The following TTLL1 variants were observed in gnomAD, a reference collection of about 807,000 sequenced individuals.
TTLL1 encodes TTL family tubulin polyglutamylase complex subunit L1, also known as polyglutamylase complex subunit TTLL1.
Under a neutral mutation model 47.8 loss-of-function variants are expected in TTLL1, and 33 were observed. The ratio of observed to expected loss-of-function variants is 0.69; its 90% CI spans 0.52 to 0.92. The LOEUF is 0.92. TTLL1 is among the 40% of genes least tolerant of loss of function. The probability of loss-of-function intolerance (pLI) is 0.00; values close to 1 mark genes in which losing one functional copy is unlikely to be tolerated. For synonymous variants in TTLL1, 225 were observed against 214.1 expected (o/e 1.05, Z -0.45); for missense variants, 488 against 547.5 (o/e 0.89, Z 1.08).
rs143011831 is a variant in TTLL1 at position 43,046,004 on chromosome 22, T to G, written c.1142+406A>C. On this transcript the variant is annotated intron_variant, in intron 10 of 10. Coordinates refer to ENST00000266254, the MANE Select transcript of TTLL1 (RefSeq NM_012263.5). ...GGGAGGCCGAGGTGGGAGAATCACTTGAGGTCAGGAGTTCAAGACCAGCCT... is the reference window on the plus strand; with the variant it reads ...GGGAGGCCGAGGTGGGAGAATCACTGGAGGTCAGGAGTTCAAGACCAGCCT... Among the ~76,000 whole-genome samples the G allele has an allele frequency of 6.9e-3, 1,056 of 152,200 alleles. 11 individuals are homozygous for G. Among genetic ancestry groups the G allele is most frequent in the African/African-American group, 0.024 (1,014 of 41,538 alleles).
chr22:43,057,213 G>T (rs1395374311), intron 8 of TTLL1, among the ~76,000 whole-genome samples: 1 of 151,500 alleles, frequency 6.6e-6, no homozygotes, highest in African/African-American at 2.4e-5. Flanking sequence ...AGGCTGCAGT[G>T]GGCTGAGATT....
chr22:43,073,364 T>TTTATTTATTTATTTTA (rs1555964073), intron 3 of TTLL1, among the ~76,000 whole-genome samples: 1 of 133,354 alleles, frequency 7.5e-6, no homozygotes, highest in East Asian at 2.1e-4. Context: ...TATTTATTTA[T>TTTATTTATTTATTTTA]TTTATTTTTT....
intron 7 of TTLL1, among the ~76,000 whole-genome samples, chr22:43,060,429 C>T (rs1396287382): frequency 1.3e-5 from 2 of 152,184 alleles, no homozygotes; most frequent in Admixed American, 1.3e-4. Flanking sequence ...TGGGCAGAGG[C>T]CTCCACTGCA....
intron 3 of TTLL1, among the ~76,000 whole-genome samples, chr22:43,073,041 G>A (rs894828032): frequency 2.3e-4 from 34 of 150,540 alleles, no homozygotes; most frequent in Admixed American, 8.6e-4. Context: ...TTTTGAGACA[G>A]TCTTGCTGTG....
intron 1 of TTLL1, among the ~76,000 whole-genome samples, chr22:43,083,695 T>C (rs1234213332): frequency 6.7e-6 from 1 of 150,282 alleles, no homozygotes; most frequent in Non-Finnish European, 1.5e-5. Flanking sequence ...ACCATTGCAC[T>C]GCAGCCTGGG....
At chr22:43,054,876 C>T (rs1363608834) in intron 8 of TTLL1, among the ~76,000 whole-genome samples, 1 of 151,706 alleles carries the variant, frequency 6.6e-6, no homozygotes, top group African/African-American at 2.4e-5. Flanking sequence ...CAGGCACTGC[C>T]ACTACGCCTG....
At chr22:43,061,665 C>G (rs902338959) in intron 7 of TTLL1, among the ~76,000 whole-genome samples, 7 of 152,184 alleles carry the variant, frequency 4.6e-5, no homozygotes, top group African/African-American at 9.6e-5. Flanking sequence ...TGAACTGGGT[C>G]CACAAAGCCC....
intron 3 of TTLL1, 178 bp from the exon 4 acceptor site, chr22:43,070,022 C>A: frequency 8.4e-7 from 1 of 1,197,540 alleles, no homozygotes. Context: ...TGCCCAGGGA[C>A]AGGCCGGGAC....
rs193013668 is a variant in TTLL1 at position 43,088,598 on chromosome 22, C to T, written c.-90+679G>A. 3.3e-3 allele frequency among the ~76,000 whole-genome samples: 498 copies of T among 151,980 alleles called. 1 individual carries two copies. Among genetic ancestry groups the T allele is most frequent in the African/African-American group, 0.012 (485 of 41,464 alleles). ...GACCTCGTGATCCTCCCGCCTCGGC[C>T]TCCCAAAGTGCTGGGATTACAGGCG... On this transcript the variant is annotated intron_variant, in intron 1 of 10. Transcript: ENST00000266254.
intron 5 of TTLL1, among the ~76,000 whole-genome samples, chr22:43,067,789 G>A (rs947736999): frequency 2.0e-5 from 3 of 151,578 alleles, no homozygotes; most frequent in Non-Finnish European, 2.9e-5. Context: ...CTGGCTAACA[G>A]GGCAAAACCC....
chr22:43,063,007 G>A (rs377631175), intron 7 of TTLL1, among the ~76,000 whole-genome samples: 1 of 152,118 alleles, frequency 6.6e-6, no homozygotes, highest in Non-Finnish European at 1.5e-5. Context: ...TGTACTCAAA[G>A]TAAAAAACCA....
intron 9 of TTLL1, 56 bp downstream of exon 9, chr22:43,051,745 G>T: frequency 1.3e-6 from 2 of 1,554,978 alleles, no homozygotes; most frequent in Non-Finnish European, 1.8e-6. Flanking sequence ...AATCGGGGCA[G>T]AAGTGTGTTG....
rs76861977 is a variant in TTLL1, at chr22:43,042,108, C to T, written c.1143-2203G>A. 2.6e-3 allele frequency among the ~76,000 whole-genome samples: 396 copies of T among 152,294 alleles called. 5 individuals are homozygous for T. Among genetic ancestry groups the T allele is most frequent in the African/African-American group, 8.8e-3 (367 of 41,574 alleles). Reference sequence around the variant, plus strand: ...ATAAATGTCGTCACTCCACTGCCCCCGTGTTTGCTTCCCTGGCCAGGGGGC... The same window carrying T: ...ATAAATGTCGTCACTCCACTGCCCCTGTGTTTGCTTCCCTGGCCAGGGGGC... On this transcript the variant is annotated intron_variant, in intron 10 of 10. Coordinates refer to ENST00000266254, the MANE Select transcript of TTLL1 (RefSeq NM_012263.5).
intron 1 of TTLL1, among the ~76,000 whole-genome samples, chr22:43,087,520 T>C (rs1437094725): frequency 1.5e-5 from 2 of 131,946 alleles, no homozygotes; most frequent in South Asian, 2.4e-4. Flanking sequence ...TGAGACTCCA[T>C]CTCAAAAAAA....
At chr22:43,052,578 A>C (rs996298259) in intron 8 of TTLL1, among the ~76,000 whole-genome samples, 1 of 151,814 alleles carries the variant, frequency 6.6e-6, no homozygotes, top group African/African-American at 2.4e-5. Flanking sequence ...CCGCCTCTAC[A>C]AAAAATAAAA....
intron 9 of TTLL1, among the ~76,000 whole-genome samples, chr22:43,050,778 T>C (rs759062155): frequency 9.2e-5 from 14 of 152,100 alleles, no homozygotes; most frequent in Non-Finnish European, 2.1e-4. Context: ...CCGCCTTGGC[T>C]TTCCAAAGTG....
In TTLL1 at chr22:43,069,942, T is replaced by C. The variant is rs1928007556; in HGVS notation, c.114-98A>G. 7 of 1,500,008 alleles carry C rather than the reference T, an allele frequency of 4.7e-6. No individual in the cohort carries two copies. In the Admixed American group the frequency reaches 1.5e-4, roughly 31 times the overall value. 92.9% of individuals were successfully genotyped at this position (1,500,008 alleles called of 1,614,324 possible). ...CAAACACCCTGAACCCTCAGCACCC[T>C]TCACCACTACTCCCACATCCCCTGG... On this transcript the variant is annotated intron_variant, in intron 3 of 10. Transcript: ENST00000266254.
intron 7 of TTLL1, among the ~76,000 whole-genome samples, chr22:43,060,822 T>C: frequency 6.6e-6 from 1 of 152,166 alleles, no homozygotes; most frequent in East Asian, 1.9e-4. Flanking sequence ...GTGAGAACCA[T>C]GAACTAAAAC....
intron 2 of TTLL1, among the ~76,000 whole-genome samples, chr22:43,078,415 G>T (rs996773110): frequency 6.6e-6 from 1 of 152,158 alleles, no homozygotes; most frequent in Non-Finnish European, 1.5e-5. Context: ...AGAATTGCTT[G>T]AACCCGAGAG....
Sources: gnomAD v4.1 joint callset for allele counts (sites outside exome capture counted in the v4.1 genomes callset) on GRCh38, gnomAD v4.1.1 for gene constraint, MANE v1.5 for transcripts, NCBI Gene and HGNC (gene_info 2026-07-23, HGNC 2026-07-21) for gene names.